CADPS: variants seen among roughly 807,000 people sequenced by gnomAD.
CADPS encodes the protein calcium-dependent secretion activator 1.
A neutral mutation model predicts 167.3 loss-of-function variants in CADPS; 57 were observed. The ratio of observed to expected loss-of-function variants is 0.34; its 90% confidence interval spans 0.28 to 0.42. The LOEUF (loss-of-function observed/expected upper bound fraction) is 0.42. Ranked by LOEUF, CADPS falls within the 20% of genes least tolerant of loss-of-function variation. The pLI, the probability that CADPS is intolerant of heterozygous loss-of-function variation, is 1.00. For synonymous variants in CADPS, 676 were observed against 635.3 expected (o/e 1.06, Z -0.96); for missense variants, 1,414 against 1,738.1 (o/e 0.81, Z 3.32).
chr3:62,692,143 T>C (rs1580531721), intron 3 of CADPS, among the ~76,000 whole-genome samples: 1 of 151,916 alleles, frequency 6.6e-6, no homozygotes, highest in East Asian at 1.9e-4. Flanking sequence ...CTGGTCAACA[T>C]CTGAACTGCC....
intron 7 of CADPS, among the ~76,000 whole-genome samples, chr3:62,588,114 T>C (rs1478930933): frequency 2.0e-5 from 3 of 152,186 alleles, no homozygotes; most frequent in African/African-American, 7.2e-5. Flanking sequence ...CCTAGTTGCC[T>C]GGGCACACAG....
At chr3:62,431,180 AG>A (rs2053859960) in intron 28 of CADPS, among the ~76,000 whole-genome samples, 1 of 152,184 alleles carries the variant, frequency 6.6e-6, no homozygotes, top group South Asian at 2.1e-4. Context: ...GAATTAACAA[AG>A]GACCCTTCCC....
intron 6 of CADPS, among the ~76,000 whole-genome samples, chr3:62,607,725 T>A (rs1374632918): frequency 6.6e-6 from 1 of 152,186 alleles, no homozygotes; most frequent in Non-Finnish European, 1.5e-5. Flanking sequence ...GGTTGGCTGC[T>A]TTCATGGGCT....
chr3:62,449,132 A>G (rs2057671320), intron 26 of CADPS, among the ~76,000 whole-genome samples: 1 of 152,230 alleles, frequency 6.6e-6, no homozygotes, highest in Admixed American at 6.5e-5. Flanking sequence ...ATGAATGTGT[A>G]AAATTACAGG....
chr3:62,856,952 AACCC>A (rs1701951998), intron 1 of CADPS, among the ~76,000 whole-genome samples: 1 of 151,898 alleles, frequency 6.6e-6, no homozygotes, highest in Non-Finnish European at 1.5e-5. Flanking sequence ...CATTGCATGA[AACCC>A]AGGAATTATA....
chr3:62,729,123 AC>A (rs2077271583), intron 3 of CADPS, among the ~76,000 whole-genome samples: 1 of 151,920 alleles, frequency 6.6e-6, no homozygotes. Context: ...TGGGGTGGTG[AC>A]AGCATCCAAA....
In CADPS at chr3:62,777,388, G is replaced by C. The variant is rs2090562684; in HGVS notation, c.442-11404C>G. 2.0e-5 allele frequency among the ~76,000 whole-genome samples: 3 copies of C among 152,186 alleles called. No individual in the cohort carries two copies. In the South Asian group the frequency reaches 6.2e-4, roughly 32 times the overall value. On this transcript the variant is annotated intron_variant, in intron 1 of 29. Transcript: ENST00000383710. ...GCAGTCGCTTTTCAGGCTGCTGGGG[G>C]ATGTGGAGGAATGTGGAGACCTTGG...
At chr3:62,491,120 G>GT (rs1426978287) in intron 21 of CADPS, among the ~76,000 whole-genome samples, 2 of 151,988 alleles carry the variant, frequency 1.3e-5, no homozygotes, top group African/African-American at 4.8e-5. Flanking sequence ...TTCATGAAAC[G>GT]TTTTTTCAGC....
At chr3:62,844,129 T>C (rs2077035937) in intron 1 of CADPS, among the ~76,000 whole-genome samples, 1 of 152,264 alleles carries the variant, frequency 6.6e-6, no homozygotes, top group African/African-American at 2.4e-5. Flanking sequence ...CACCAATGTC[T>C]AGGAAAGGAT....
chr3:62,615,531 G>A (rs575294830), intron 6 of CADPS, among the ~76,000 whole-genome samples: 101 of 152,300 alleles, frequency 6.6e-4, no homozygotes, highest in Admixed American at 3.1e-3. Context: ...TGATTATTAT[G>A]TCTCACAAGG....
At chr3:62,755,538 G>A (rs2083685818) in intron 2 of CADPS, among the ~76,000 whole-genome samples, 1 of 152,214 alleles carries the variant, frequency 6.6e-6, no homozygotes, top group Non-Finnish European at 1.5e-5. Flanking sequence ...TTGGCCATGA[G>A]ACAGCACTGC....
intron 6 of CADPS, among the ~76,000 whole-genome samples, chr3:62,599,773 A>AGATATAATATAT (rs2059564337): frequency 5.4e-4 from 1 of 1,840 alleles, no homozygotes; most frequent in East Asian, 0.5. Flanking sequence ...TATATATAAT[A>AGATATAATATAT]TATATATTAT....
intron 3 of CADPS, among the ~76,000 whole-genome samples, chr3:62,715,486 T>C (rs1250689577): frequency 1.3e-5 from 2 of 150,338 alleles, no homozygotes; most frequent in Non-Finnish European, 3.0e-5. Flanking sequence ...AAAGATACCA[T>C]ATTTTGGTAA....
intron 28 of CADPS, among the ~76,000 whole-genome samples, chr3:62,430,891 G>A (rs1001199935): frequency 1.3e-5 from 2 of 151,910 alleles, no homozygotes; most frequent in Non-Finnish European, 2.9e-5. Context: ...AGTTTACTTT[G>A]GGGCTCGAAA....
rs2078198558 is a variant in CADPS at position 62,556,660 on chromosome 3, G to A, written c.1753+745C>T. Among the ~76,000 whole-genome samples, 4 of 151,990 alleles carry A rather than the reference G, an allele frequency of 2.6e-5. No homozygotes were observed. In the South Asian group the frequency reaches 8.3e-4, roughly 32 times the overall value. On this transcript the variant is annotated intron_variant, in intron 10 of 29. Coordinates refer to ENST00000383710, the MANE Select transcript of CADPS (RefSeq NM_003716.4). ...CCCCCTCCCATTTTGAAGGTTCTTTGAGGCTGATTTCTATTCATTTTTTTT... is the reference window on the plus strand; with the variant it reads ...CCCCCTCCCATTTTGAAGGTTCTTTAAGGCTGATTTCTATTCATTTTTTTT...
In CADPS at chr3:62,794,542, T is replaced by C. The variant is rs151262933; in HGVS notation, c.442-28558A>G. Among the ~76,000 whole-genome samples the C allele has an allele frequency of 1.9e-3, 293 of 152,278 alleles. 1 individual carries two copies. Among genetic ancestry groups the C allele is most frequent in the African/African-American group, 6.6e-3 (275 of 41,558 alleles). On this transcript the variant is annotated intron_variant, in intron 1 of 29. Transcript: ENST00000383710. Reference sequence around the variant, plus strand: ...GACTCCAGAGCCCACATGTAAACCATTCTGCATAAGATGTTTGATATAGTT... The same window carrying C: ...GACTCCAGAGCCCACATGTAAACCACTCTGCATAAGATGTTTGATATAGTT...
intron 1 of CADPS, among the ~76,000 whole-genome samples, chr3:62,853,482 G>A (rs1011373024): frequency 6.6e-5 from 10 of 151,824 alleles, no homozygotes; most frequent in Non-Finnish European, 8.8e-5. Context: ...AGAATTAGGT[G>A]GGCATGGTGG....
At chr3:62,609,980 T>C (rs77749219) in intron 6 of CADPS, among the ~76,000 whole-genome samples, 3,730 of 152,096 alleles carry the variant, frequency 0.025, 63 homozygotes, top group East Asian at 0.089. Context: ...TCCCAACTAC[T>C]TGGGGAGCTG....
rs534657972 is a variant in CADPS, at chr3:62,709,854, C to T, written c.888+43587G>A. Reference sequence around the variant, plus strand: ...GTGTAATCTCGGCTCACTGCAACCTCCACCTCCTGGGTTCAAGCAATTCTC... The same window carrying T: ...GTGTAATCTCGGCTCACTGCAACCTTCACCTCCTGGGTTCAAGCAATTCTC... On this transcript the variant is annotated intron_variant, in intron 3 of 29. Coordinates refer to ENST00000383710, the MANE Select transcript of CADPS (RefSeq NM_003716.4). Among the ~76,000 whole-genome samples the T allele has an allele frequency of 3.9e-5, 6 of 152,128 alleles. No homozygotes were observed. In the South Asian group the frequency reaches 1.2e-3, roughly 32 times the overall value.
Sources: gnomAD v4.1 joint callset for allele counts (sites outside exome capture counted in the v4.1 genomes callset) on GRCh38, gnomAD v4.1.1 for gene constraint, MANE v1.5 for transcripts, NCBI Gene and HGNC (gene_info 2026-07-23, HGNC 2026-07-21) for gene names.